Variants in RNF4 observed in about 807,000 individuals in gnomAD.
RNF4 encodes the protein E3 ubiquitin-protein ligase RNF4.
RNF4 carries 7 observed loss-of-function variants against 24.3 expected under a neutral mutation model. The ratio of observed to expected loss-of-function variants is 0.29; its 90% confidence interval spans 0.16 to 0.54. RNF4 has a LOEUF of 0.54. RNF4 is among the 20% of genes least tolerant of loss of function. The pLI is 0.95. For synonymous variants in RNF4, 83 were observed against 84.3 expected, an observed-to-expected ratio of 0.98 and a Z score of 0.09; for missense variants, 209 against 248.5, an observed-to-expected ratio of 0.84 and a Z score of 1.07.
chr4:2,484,094 G>T (rs182706270), intron 1 of RNF4, among the ~76,000 whole-genome samples: 972 of 33,514 alleles, frequency 0.029, 32 homozygotes, highest in African/African-American at 0.12. Flanking sequence ...CTCCCAAAGT[G>T]CTGGGATTAC....
At chr4:2,496,918 A>G in intron 2 of RNF4, 89 bp from the exon 3 acceptor site, 1 of 906,850 alleles carries the variant, frequency 1.1e-6, no homozygotes, top group Non-Finnish European at 1.7e-6. Flanking sequence ...TTCTTAATGA[A>G]GTGAACCATT....
intron 4 of RNF4, among the ~76,000 whole-genome samples, chr4:2,509,045 A>G (rs1337854263): frequency 1.4e-5 from 2 of 148,018 alleles, no homozygotes; most frequent in Non-Finnish European, 3.0e-5. Context: ...CAGCATCCCA[A>G]GTAGCTGGGA....
At chr4:2,509,422 T>A (rs1294663137) in intron 4 of RNF4, among the ~76,000 whole-genome samples, 1 of 152,100 alleles carries the variant, frequency 6.6e-6, no homozygotes, top group Admixed American at 6.6e-5. Context: ...TTCACCATGT[T>A]GGTCAGGCTG....
At position 2,513,823 on chromosome 4, in the gene RNF4, A is replaced by G; in HGVS notation, c.*4A>G. 1 of 1,613,954 alleles carries G rather than the reference A, an allele frequency of 6.2e-7. No individual in the cohort carries two copies. The highest frequency in any genetic ancestry group is 8.5e-7 in the Non-Finnish European group (1 of 1,179,894). On this transcript the variant is annotated 3_prime_UTR_variant, in exon 8 of 8. Coordinates refer to ENST00000314289, the MANE Select transcript of RNF4 (RefSeq NM_002938.5). Reference sequence around the variant, plus strand: ...GTACCACCCCATTTATATATGAAGTATTCAGAGCCCCCCAGGAGAGACGGA... The same window carrying G: ...GTACCACCCCATTTATATATGAAGTGTTCAGAGCCCCCCAGGAGAGACGGA...
chr4:2,488,792 G>A (rs1217304495), intron 1 of RNF4, among the ~76,000 whole-genome samples: 1 of 151,782 alleles, frequency 6.6e-6, no homozygotes, highest in East Asian at 1.9e-4. Context: ...GTTTGCAGGT[G>A]CCTGGATTTT....
intron 2 of RNF4, among the ~76,000 whole-genome samples, chr4:2,492,131 G>A (rs1031039775): frequency 2.8e-4 from 43 of 151,932 alleles, no homozygotes; most frequent in Non-Finnish European, 5.0e-4. Flanking sequence ...CCTGGGAGGC[G>A]GAGCTTGCAG....
chr4:2,483,308 G>T (rs1315477569), intron 1 of RNF4, among the ~76,000 whole-genome samples: 1 of 152,156 alleles, frequency 6.6e-6, no homozygotes, highest in Admixed American at 6.5e-5. Context: ...CAGAGGTGAG[G>T]TGTTCTACTC....
chr4:2,479,737 A>T (rs1735192310), intron 1 of RNF4: 1 of 152,216 alleles, frequency 6.6e-6, no homozygotes, highest in South Asian at 2.1e-4. Flanking sequence ...GGACTAATAC[A>T]GGTGCACACG....
intron 4 of RNF4, among the ~76,000 whole-genome samples, chr4:2,511,308 G>T (rs1407456575): frequency 1.8e-5 from 1 of 54,292 alleles, no homozygotes. Context: ...TCAGCACATG[G>T]TGTGGCTGTG....
At chr4:2,488,463 A>G (rs997724696) in intron 1 of RNF4, among the ~76,000 whole-genome samples, 6 of 152,110 alleles carry the variant, frequency 3.9e-5, no homozygotes, top group Admixed American at 3.9e-4. Context: ...AAAAACAACA[A>G]CAACAACAAC....
intron 1 of RNF4, among the ~76,000 whole-genome samples, chr4:2,486,401 G>GAAAT (rs1735409407): frequency 6.6e-6 from 1 of 152,066 alleles, no homozygotes; most frequent in African/African-American, 2.4e-5. Flanking sequence ...TGCTCTGCTG[G>GAAAT]AAATGCTCCT....
intron 2 of RNF4, among the ~76,000 whole-genome samples, chr4:2,491,052 G>T (rs919893720): frequency 6.6e-6 from 1 of 152,052 alleles, no homozygotes; most frequent in East Asian, 1.9e-4. Flanking sequence ...ACTGCATTTC[G>T]GCAGGATGAC....
rs1053072174 is a variant in RNF4, at chr4:2,514,198, G to A, written c.*379G>A. The A allele has an allele frequency of 5.6e-5, 13 of 232,946 alleles. No homozygotes were observed. The highest frequency in any genetic ancestry group is 1.3e-4 in the South Asian group (2 of 14,976). 14.4% of individuals were successfully genotyped at this position (232,946 alleles called of 1,614,324 possible). A position where few individuals can be genotyped will look rare whatever the true frequency, so the allele number is the denominator to read the frequency against. On this transcript the variant is annotated 3_prime_UTR_variant, in exon 8 of 8. Coordinates refer to ENST00000314289, the MANE Select transcript of RNF4 (RefSeq NM_002938.5). The stretch of plus-strand genomic sequence containing the variant: ...CCACCTTTTGTCCCAAGTGTCTGCC[G>A]GTCGACCAATCTGCCTGCCACACAT...
At chr4:2,477,975 G>T (rs1209698241) in intron 1 of RNF4, among the ~76,000 whole-genome samples, 1 of 152,178 alleles carries the variant, frequency 6.6e-6, no homozygotes, top group East Asian at 1.9e-4. Context: ...TTGTTGAATG[G>T]CTTTGACCAA....
chr4:2,502,265 C>G (rs1482454938), intron 4 of RNF4, among the ~76,000 whole-genome samples: 1 of 152,192 alleles, frequency 6.6e-6, no homozygotes, highest in East Asian at 1.9e-4. Flanking sequence ...TCTTGGCCTT[C>G]TCTCTGCCAG....
Position 2,504,675 on chromosome 4 carries a change from A to G in RNF4, c.204+3937A>G, listed in dbSNP as rs547862549. On this transcript the variant is annotated intron_variant, in intron 4 of 7. Coordinates refer to ENST00000314289, the MANE Select transcript of RNF4 (RefSeq NM_002938.5). ...ACGCCATTCTCCTGCCTCAGCCTCC[A>G]GAGTAGCTGGGACTACAGGCAGCCG... 8.9e-5 allele frequency among the ~76,000 whole-genome samples: 13 copies of G among 146,782 alleles called. No individual in the cohort carries two copies. The East Asian group carries it at 1.6e-3, about 18-fold the overall frequency.
At position 2,515,012 on chromosome 4, in the gene RNF4, C is replaced by G. The variant is rs891488753; in HGVS notation, c.*1193C>G. 2 of 151,790 alleles carry G rather than the reference C, an allele frequency of 1.3e-5. No homozygotes were observed. The highest frequency in any genetic ancestry group is 4.8e-5 in the African/African-American group (2 of 41,242). 9.4% of individuals were successfully genotyped at this position (151,790 alleles called of 1,614,324 possible). ...GGTACGCGGGAGCCTCAGGTTCTCT[C>G]AGGGGCAGCAAAGTGGCCCAAGCTG... On this transcript the variant is annotated 3_prime_UTR_variant, in exon 8 of 8. Coordinates refer to ENST00000314289, the MANE Select transcript of RNF4 (RefSeq NM_002938.5).
chr4:2,485,706 C>T (rs1184119357), intron 1 of RNF4, among the ~76,000 whole-genome samples: 1 of 152,160 alleles, frequency 6.6e-6, no homozygotes, highest in African/African-American at 2.4e-5. Flanking sequence ...TTCTCAGTGG[C>T]AGGGGCGCCA....
intron 1 of RNF4, among the ~76,000 whole-genome samples, chr4:2,475,094 G>A (rs541974382): frequency 6.6e-6 from 1 of 152,210 alleles, no homozygotes; most frequent in Non-Finnish European, 1.5e-5. Context: ...TGATCCATGA[G>A]CAGCCATCAT....
Sources: gnomAD v4.1 joint callset for allele counts (sites outside exome capture counted in the v4.1 genomes callset) on GRCh38, gnomAD v4.1.1 for gene constraint, MANE v1.5 for transcripts, NCBI Gene and HGNC (gene_info 2026-07-23, HGNC 2026-07-21) for gene names.